CSMD1: variants seen among roughly 807,000 people sequenced by gnomAD.
The protein encoded by CSMD1 is CUB and sushi domain-containing protein 1.
Under a neutral mutation model 417.5 loss-of-function variants are expected in CSMD1, and 213 were observed. The ratio of observed to expected loss-of-function variants is 0.51; its 90% CI spans 0.46 to 0.57. The LOEUF is 0.57. Among genes scored for constraint, CSMD1 ranks in the 20% least tolerant of loss-of-function variants. The pLI, the probability that CSMD1 is intolerant of heterozygous loss-of-function variation, is 0.00. For synonymous variants in CSMD1, 2,862 were observed against 1,736.8 expected (o/e 1.65, Z -16.11); for missense variants, 6,923 against 4,529.7 (o/e 1.53, Z -15.17).
At chr8:4,425,009 A>T (rs948611605) in intron 2 of CSMD1, among the ~76,000 whole-genome samples, 2 of 152,212 alleles carry the variant, frequency 1.3e-5, no homozygotes, top group South Asian at 4.1e-4. Flanking sequence ...TTAATAACAA[A>T]ACATTAAATT....
At chr8:4,048,634 T>A (rs62502730) in intron 3 of CSMD1, among the ~76,000 whole-genome samples, 156 of 152,274 alleles carry the variant, frequency 1.0e-3, no homozygotes, top group Non-Finnish European at 1.9e-3. Flanking sequence ...CTTAAATAAT[T>A]TTTGGGTGTC....
intron 3 of CSMD1, among the ~76,000 whole-genome samples, chr8:4,033,500 C>T (rs982728372): frequency 2.6e-5 from 4 of 152,270 alleles, no homozygotes; most frequent in Middle Eastern, 3.4e-3. Flanking sequence ...CCTGGAAGCT[C>T]CCACTTCCAG....
chr8:4,850,451 T>G (rs1408360529), intron 1 of CSMD1, among the ~76,000 whole-genome samples: 1 of 150,800 alleles, frequency 6.6e-6, no homozygotes. Flanking sequence ...TTTCATTGAT[T>G]GCTCAGGAAG....
chr8:3,846,069 A>AT (rs1237903806), intron 5 of CSMD1, among the ~76,000 whole-genome samples: 3 of 147,692 alleles, frequency 2.0e-5, no homozygotes, highest in Non-Finnish European at 4.5e-5. Flanking sequence ...ATTAAAAAAA[A>AT]AATAATAAGC....
chr8:3,967,043 G>C (rs529062915), intron 5 of CSMD1, among the ~76,000 whole-genome samples: 1 of 152,168 alleles, frequency 6.6e-6, no homozygotes, highest in Non-Finnish European at 1.5e-5. Context: ...TTTAGTTGAG[G>C]TAATCCAGAT....
intron 5 of CSMD1, among the ~76,000 whole-genome samples, chr8:3,913,181 G>C (rs1412475305): frequency 2.6e-5 from 4 of 152,098 alleles, no homozygotes; most frequent in African/African-American, 4.8e-5. Flanking sequence ...GTTGAGTTGA[G>C]AACCGAATAT....
At chr8:4,180,700 T>A (rs1798318510) in intron 3 of CSMD1, among the ~76,000 whole-genome samples, 1 of 152,166 alleles carries the variant, frequency 6.6e-6, no homozygotes, top group Non-Finnish European at 1.5e-5. Flanking sequence ...GCTCACTGGT[T>A]GTCATGGAAC....
At chr8:4,120,055 A>T (rs886114293) in intron 3 of CSMD1, among the ~76,000 whole-genome samples, 1 of 152,240 alleles carries the variant, frequency 6.6e-6, no homozygotes, top group African/African-American at 2.4e-5. Context: ...ATAACAGAGT[A>T]TAATTGGATT....
At chr8:4,452,430 T>C (rs7813376) in intron 2 of CSMD1, among the ~76,000 whole-genome samples, 31,783 of 152,204 alleles carry the variant, frequency 0.21, 3,994 homozygotes, top group Middle Eastern at 0.31. Context: ...CGGTGATTCT[T>C]GACAAATAAG....
chr8:3,711,519 T>G (rs987629362), intron 6 of CSMD1, among the ~76,000 whole-genome samples: 11 of 152,212 alleles, frequency 7.2e-5, no homozygotes, highest in African/African-American at 2.2e-4. Context: ...AGAGAGGGAC[T>G]TGCTCTGGTG....
chr8:4,133,840 G>C (rs1714755), intron 3 of CSMD1, among the ~76,000 whole-genome samples: 4,538 of 152,222 alleles, frequency 0.03, 228 homozygotes, highest in African/African-American at 0.1. Context: ...ACACACACCT[G>C]CTTTGCAATC....
chr8:3,048,462 G>C (rs898039897), intron 50 of CSMD1, among the ~76,000 whole-genome samples: 10 of 152,092 alleles, frequency 6.6e-5, no homozygotes, highest in Admixed American at 2.6e-4. Context: ...TCGAGCAGAA[G>C]AGCAAACACA....
chr8:4,938,689 G>T (rs1032295671), intron 1 of CSMD1, among the ~76,000 whole-genome samples: 1 of 152,188 alleles, frequency 6.6e-6, no homozygotes, highest in African/African-American at 2.4e-5. Context: ...TAATGGGGTG[G>T]AAAGAAACAG....
chr8:4,425,757 A>G lies in CSMD1; in HGVS notation c.303-5692T>C, dbSNP rs188209592. Among the ~76,000 whole-genome samples the G allele has an allele frequency of 1.5e-4, 23 of 152,294 alleles. No individual in the cohort carries two copies. In the East Asian group the frequency reaches 3.7e-3, roughly 24 times the overall value. ...AAAATGGATTTTGAAGTAAATCCCA[A>G]TAATCCACACAGGTGTCTTGCAGTA... On this transcript the variant is annotated intron_variant, in intron 2 of 69. Coordinates refer to ENST00000635120, the MANE Select transcript of CSMD1 (RefSeq NM_033225.6).
chr8:4,941,348 A>G (rs1304417265), intron 1 of CSMD1, among the ~76,000 whole-genome samples: 2 of 152,220 alleles, frequency 1.3e-5, no homozygotes, highest in African/African-American at 4.8e-5. Flanking sequence ...TGTTTTGAGT[A>G]CTAAAATATG....
intron 1 of CSMD1, among the ~76,000 whole-genome samples, chr8:4,751,456 C>T (rs1011278813): frequency 6.6e-6 from 1 of 152,176 alleles, no homozygotes; most frequent in Admixed American, 6.5e-5. Flanking sequence ...CTCAGTAGTT[C>T]ATTACCCTAA....
At chr8:4,125,713 C>T (rs543073608) in intron 3 of CSMD1, among the ~76,000 whole-genome samples, 66 of 152,052 alleles carry the variant, frequency 4.3e-4, no homozygotes, top group Non-Finnish European at 7.4e-4. Flanking sequence ...ACTAAATTTG[C>T]GAAGGAATTC....
intron 4 of CSMD1, among the ~76,000 whole-genome samples, chr8:4,013,714 T>G (rs916030324): frequency 1.3e-5 from 2 of 152,218 alleles, no homozygotes; most frequent in African/African-American, 4.8e-5. Flanking sequence ...CCCCAGCAGC[T>G]ACAACAAATG....
At chr8:3,179,755 A>G (rs1821195627) in intron 37 of CSMD1, among the ~76,000 whole-genome samples, 1 of 152,228 alleles carries the variant, frequency 6.6e-6, no homozygotes, top group African/African-American at 2.4e-5. Context: ...TTTTCTATCT[A>G]CAGAGAGTCA....
Sources: gnomAD v4.1 joint callset for allele counts (sites outside exome capture counted in the v4.1 genomes callset) on GRCh38, gnomAD v4.1.1 for gene constraint, MANE v1.5 for transcripts, NCBI Gene and HGNC (gene_info 2026-07-23, HGNC 2026-07-21) for gene names.